NRG3: variants seen among roughly 807,000 people sequenced by gnomAD.
The protein encoded by NRG3 is neuregulin 3.
Under a neutral mutation model 66.9 loss-of-function variants are expected in NRG3, and 31 were observed. That is an observed-to-expected ratio of 0.46 (90% CI 0.35 to 0.63). The LOEUF (loss-of-function observed/expected upper bound fraction) is 0.63, where lower values mean the gene tolerates loss of function less well. Ranked by LOEUF, NRG3 falls within the 20% of genes least tolerant of loss-of-function variation. The pLI, the probability that NRG3 is intolerant of heterozygous loss-of-function variation, is 0.00. For synonymous variants in NRG3, 393 were observed against 359.4 expected (o/e 1.09, Z -1.06); for missense variants, 910 against 878.9 (o/e 1.04, Z -0.45).
At chr10:82,507,588 C>A (rs549064512) in intron 2 of NRG3, among the ~76,000 whole-genome samples, 4 of 152,144 alleles carry the variant, frequency 2.6e-5, no homozygotes, top group Non-Finnish European at 4.4e-5. Flanking sequence ...CTAAACACAG[C>A]AGACCCAAGG....
intron 3 of NRG3, among the ~76,000 whole-genome samples, chr10:82,798,301 G>A (rs970855767): frequency 1.3e-5 from 2 of 152,150 alleles, no homozygotes; most frequent in Admixed American, 6.5e-5. Context: ...TTAATTTTGA[G>A]AAAGCATTAC....
chr10:82,091,837 A>G (rs1433618076), intron 1 of NRG3, among the ~76,000 whole-genome samples: 1 of 152,148 alleles, frequency 6.6e-6, no homozygotes, highest in Non-Finnish European at 1.5e-5. Flanking sequence ...TTTATTTTAA[A>G]TAATAACCAT....
intron 1 of NRG3, among the ~76,000 whole-genome samples, chr10:82,129,316 T>A (rs1233324662): frequency 1.3e-5 from 2 of 152,192 alleles, no homozygotes; most frequent in African/African-American, 4.8e-5. Context: ...TTTCCAGTGA[T>A]ATATCTGATT....
In NRG3 at chr10:81,971,584, G is replaced by A. The variant is rs377017909; in HGVS notation, c.823+95421G>A. Among the ~76,000 whole-genome samples, 154 of 152,182 alleles carry A rather than the reference G, an allele frequency of 1.0e-3. No individual in the cohort carries two copies. The Middle Eastern group carries it at 0.01, about 10-fold the overall frequency. Reference sequence around the variant, plus strand: ...AATGGACAGAATATATGAAGCAAAGGTTTTCAAGATACTGAACATCAGACA... The same window carrying A: ...AATGGACAGAATATATGAAGCAAAGATTTTCAAGATACTGAACATCAGACA... On this transcript the variant is annotated intron_variant, in intron 1 of 8. Transcript: ENST00000372141.
At chr10:82,122,642 C>T (rs1215992460) in intron 1 of NRG3, among the ~76,000 whole-genome samples, 1 of 152,242 alleles carries the variant, frequency 6.6e-6, no homozygotes, top group South Asian at 2.1e-4. Context: ...TAGACATTGT[C>T]TGCCCTGAAT....
intron 2 of NRG3, among the ~76,000 whole-genome samples, chr10:82,506,235 G>A (rs1412343265): frequency 6.6e-6 from 1 of 152,188 alleles, no homozygotes; most frequent in Admixed American, 6.5e-5. Flanking sequence ...GCCATAGAGC[G>A]AGACTCTGTC....
intron 2 of NRG3, among the ~76,000 whole-genome samples, chr10:82,588,683 A>G (rs1360389473): frequency 1.3e-5 from 2 of 151,968 alleles, no homozygotes; most frequent in African/African-American, 4.8e-5. Flanking sequence ...TTGTGTTTTT[A>G]GTAGAGATGG....
chr10:82,495,478 C>T (rs1490510410), intron 2 of NRG3, among the ~76,000 whole-genome samples: 1 of 151,924 alleles, frequency 6.6e-6, no homozygotes, highest in Non-Finnish European at 1.5e-5. Flanking sequence ...CTCTTCTCTC[C>T]CTTCCATTTA....
At chr10:81,994,547 T>TCAGAAAGAACA (rs2060859687) in intron 1 of NRG3, among the ~76,000 whole-genome samples, 1 of 152,112 alleles carries the variant, frequency 6.6e-6, no homozygotes, top group Non-Finnish European at 1.5e-5. Context: ...CTGCTTTTTT[T>TCAGAAAGAACA]TTTCCTTGCA....
At chr10:82,054,686 C>CGA (rs1193598543) in intron 1 of NRG3, among the ~76,000 whole-genome samples, 1 of 151,918 alleles carries the variant, frequency 6.6e-6, no homozygotes, top group African/African-American at 2.4e-5. Context: ...GGAATGAAAA[C>CGA]GAGTGACAAG....
chr10:81,881,724 C>T (rs1305276774), intron 1 of NRG3, among the ~76,000 whole-genome samples: 1 of 152,134 alleles, frequency 6.6e-6, no homozygotes, highest in African/African-American at 2.4e-5. Flanking sequence ...CTACAACATT[C>T]AGCCTCCCAT....
chr10:82,664,746 TG>T (rs1158583671), intron 2 of NRG3, among the ~76,000 whole-genome samples: 1 of 151,960 alleles, frequency 6.6e-6, no homozygotes, highest in African/African-American at 2.4e-5. Context: ...CAATAGTCTC[TG>T]GGGTCGCTGT....
chr10:82,410,011 G>T (rs889251040), intron 2 of NRG3, among the ~76,000 whole-genome samples: 4 of 152,112 alleles, frequency 2.6e-5, no homozygotes, highest in Non-Finnish European at 5.9e-5. Flanking sequence ...AGCCTGCATG[G>T]TCTTCTGTGA....
At chr10:81,888,855 G>A (rs562696765) in intron 1 of NRG3, among the ~76,000 whole-genome samples, 1 of 152,144 alleles carries the variant, frequency 6.6e-6, no homozygotes, top group African/African-American at 2.4e-5. Flanking sequence ...AGGTTTCCAG[G>A]ATGACTTGGA....
intron 1 of NRG3, among the ~76,000 whole-genome samples, chr10:82,186,691 T>C (rs559942026): frequency 2.6e-5 from 4 of 152,236 alleles, no homozygotes; most frequent in African/African-American, 9.6e-5. Context: ...GATTACTTAA[T>C]CAAAAATCAC....
At chr10:82,579,521 A>G (rs1162521372) in intron 2 of NRG3, among the ~76,000 whole-genome samples, 1 of 151,958 alleles carries the variant, frequency 6.6e-6, no homozygotes, top group Non-Finnish European at 1.5e-5. Context: ...TCGTATGTCT[A>G]TACACAAGCA....
intron 1 of NRG3, among the ~76,000 whole-genome samples, chr10:82,240,552 A>G (rs7068961): frequency 0.12 from 18,064 of 152,182 alleles, 1,169 homozygotes; most frequent in East Asian, 0.22. Flanking sequence ...AGACTTTTCA[A>G]TCAGTCACTC....
chr10:82,505,137 C>G (rs1269096589), intron 2 of NRG3, among the ~76,000 whole-genome samples: 1 of 152,172 alleles, frequency 6.6e-6, no homozygotes, highest in Non-Finnish European at 1.5e-5. Flanking sequence ...AAGTCCTACC[C>G]TCGTCTTCCC....
At chr10:82,566,697 G>C (rs768535686) in intron 2 of NRG3, among the ~76,000 whole-genome samples, 1 of 151,946 alleles carries the variant, frequency 6.6e-6, no homozygotes, top group Admixed American at 6.6e-5. Flanking sequence ...GAGGGTTACA[G>C]ATTTTTGTCT....
Sources: allele counts gnomAD v4.1 joint callset (sites outside exome capture counted in the v4.1 genomes callset), GRCh38; gene constraint gnomAD v4.1.1; transcripts MANE v1.5; gene names NCBI Gene and HGNC (gene_info 2026-07-23, HGNC 2026-07-21).